XRCC4: variants seen among roughly 807,000 people sequenced by gnomAD.
XRCC4 encodes the protein DNA repair protein XRCC4.
XRCC4 carries 28 observed loss-of-function variants against 39.1 expected under a neutral mutation model. The observed-to-expected ratio is 0.72, with a 90% confidence interval of 0.53 to 0.98. The LOEUF is 0.98. Ranked by LOEUF, XRCC4 falls within the 50% of genes least tolerant of loss-of-function variation. XRCC4 has a pLI of 0.00. For synonymous variants in XRCC4, 123 were observed against 126.4 expected, an observed-to-expected ratio of 0.97 and a Z score of 0.18; for missense variants, 350 against 376.4, an observed-to-expected ratio of 0.93 and a Z score of 0.58.
At chr5:83,194,242 G>A (rs1001599567) in intron 3 of XRCC4, among the ~76,000 whole-genome samples, 2 of 152,120 alleles carry the variant, frequency 1.3e-5, no homozygotes, top group African/African-American at 4.8e-5. Context: ...CACTGTGCTC[G>A]GCCAGGTGAC....
At chr5:83,333,809 G>A (rs972843186) in intron 7 of XRCC4, among the ~76,000 whole-genome samples, 10 of 146,070 alleles carry the variant, frequency 6.8e-5, no homozygotes, top group African/African-American at 7.6e-5. Flanking sequence ...TTGCTCTGTC[G>A]CCAAGGCTGG....
intron 2 of XRCC4, among the ~76,000 whole-genome samples, chr5:83,109,774 TTGAG>T (rs1240410617): frequency 6.6e-6 from 1 of 151,912 alleles, no homozygotes; most frequent in Non-Finnish European, 1.5e-5. Flanking sequence ...AGTATAATGT[TTGAG>T]TGAGGTAGAA....
chr5:83,352,039 C>A (rs1343169164), intron 7 of XRCC4, among the ~76,000 whole-genome samples: 1 of 152,160 alleles, frequency 6.6e-6, no homozygotes, highest in African/African-American at 2.4e-5. Flanking sequence ...CTCATTTCAT[C>A]TTTAGACCAC....
At chr5:83,264,378 A>G (rs1753879971) in intron 7 of XRCC4, among the ~76,000 whole-genome samples, 1 of 152,258 alleles carries the variant, frequency 6.6e-6, no homozygotes, top group East Asian at 1.9e-4. Context: ...GGAGTTTTGA[A>G]GAAAGTTATT....
At chr5:83,236,652 G>T (rs570386284) in intron 6 of XRCC4, among the ~76,000 whole-genome samples, 3 of 151,998 alleles carry the variant, frequency 2.0e-5, no homozygotes, top group Admixed American at 6.6e-5. Context: ...CATTTGTCTG[G>T]GCAAAGATTA....
chr5:83,116,250 G>T (rs1274373304), intron 3 of XRCC4, among the ~76,000 whole-genome samples: 1 of 152,120 alleles, frequency 6.6e-6, no homozygotes, highest in African/African-American at 2.4e-5. Flanking sequence ...TAGAAGAAAG[G>T]AAAAGAATGA....
chr5:83,172,754 CAG>C (rs1749785966), intron 3 of XRCC4, among the ~76,000 whole-genome samples: 1 of 152,118 alleles, frequency 6.6e-6, no homozygotes, highest in African/African-American at 2.4e-5. Context: ...TAATTCAAGA[CAG>C]GGTGGTTCCT....
At chr5:83,336,848 TA>T (rs1461048883) in intron 7 of XRCC4, among the ~76,000 whole-genome samples, 7 of 152,182 alleles carry the variant, frequency 4.6e-5, no homozygotes, top group Admixed American at 4.6e-4. Flanking sequence ...ATAACTAAGT[TA>T]ATGGTGTTAG....
At chr5:83,342,410 T>C (rs1756788889) in intron 7 of XRCC4, among the ~76,000 whole-genome samples, 1 of 152,184 alleles carries the variant, frequency 6.6e-6, no homozygotes, top group Admixed American at 6.6e-5. Context: ...TCCCAATGTC[T>C]ATAAAGCATG....
chr5:83,320,124 G>A (rs1004535180), intron 7 of XRCC4, among the ~76,000 whole-genome samples: 18 of 138,188 alleles, frequency 1.3e-4, no homozygotes, highest in African/African-American at 2.4e-4. Flanking sequence ...ACCAAACACC[G>A]CATATTCTCA....
At chr5:83,352,419 CTG>C (rs1046842151) in intron 7 of XRCC4, among the ~76,000 whole-genome samples, 14 of 152,178 alleles carry the variant, frequency 9.2e-5, no homozygotes. Context: ...TGATTGAGCT[CTG>C]TTATTCTCTG....
intron 7 of XRCC4, among the ~76,000 whole-genome samples, chr5:83,300,546 T>TGTGTG (rs1755242912): frequency 1.6e-5 from 2 of 126,990 alleles, no homozygotes; most frequent in African/African-American, 2.9e-5. Flanking sequence ...TATCTTTTGT[T>TGTGTG]TGTGTGTGTG....
chr5:83,156,588 C>T, intron 3 of XRCC4, among the ~76,000 whole-genome samples: 1 of 151,920 alleles, frequency 6.6e-6, no homozygotes, highest in Non-Finnish European at 1.5e-5. Context: ...CCCTTCTTGG[C>T]CGAAGAGTAC....
At chr5:83,135,329 G>T (rs1233576362) in intron 3 of XRCC4, among the ~76,000 whole-genome samples, 1 of 151,720 alleles carries the variant, frequency 6.6e-6, no homozygotes, top group African/African-American at 2.4e-5. Context: ...GACTGGAGCT[G>T]TTCCTATTCG....
chr5:83,082,033 C>T (rs936096028), intron 1 of XRCC4, among the ~76,000 whole-genome samples: 3 of 152,138 alleles, frequency 2.0e-5, no homozygotes, highest in Non-Finnish European at 4.4e-5. Context: ...AATCTGTTGG[C>T]TTTTTCTATG....
intron 7 of XRCC4, among the ~76,000 whole-genome samples, chr5:83,332,820 T>C (rs1041201703): frequency 2.2e-4 from 33 of 152,052 alleles, no homozygotes; most frequent in Non-Finnish European, 1.0e-4. Flanking sequence ...CACATAATAA[T>C]GAAGGGAAAA....
intron 3 of XRCC4, among the ~76,000 whole-genome samples, chr5:83,161,994 TCTCTA>T (rs1749235624): frequency 6.6e-6 from 1 of 151,946 alleles, no homozygotes; most frequent in African/African-American, 2.4e-5. Flanking sequence ...TGAAACCCCG[TCTCTA>T]CTAAAAATAC....
At chr5:83,093,974 T>G in intron 1 of XRCC4, among the ~76,000 whole-genome samples, 1 of 152,182 alleles carries the variant, frequency 6.6e-6, no homozygotes, top group East Asian at 2.0e-4. Context: ...AGAAGTTTAT[T>G]GTTATTTTTA....
At chr5:83,188,335 T>A (rs1050234948) in intron 3 of XRCC4, among the ~76,000 whole-genome samples, 1 of 152,102 alleles carries the variant, frequency 6.6e-6, no homozygotes, top group Non-Finnish European at 1.5e-5. Context: ...TGATGGTTAA[T>A]TTTATATGTC....
Sources: gnomAD v4.1 joint callset for allele counts (sites outside exome capture counted in the v4.1 genomes callset) on GRCh38, gnomAD v4.1.1 for gene constraint, MANE v1.5 for transcripts, NCBI Gene and HGNC (gene_info 2026-07-23, HGNC 2026-07-21) for gene names.